Variants in TLE4 observed in about 807,000 individuals in gnomAD.
TLE4 encodes TLE family member 4, transcriptional corepressor.
In TLE4, 8 loss-of-function variants were observed where a neutral mutation model predicts 92.8. The observed-to-expected ratio is 0.09, with a 90% CI of 0.05 to 0.16. The LOEUF (loss-of-function observed/expected upper bound fraction) is 0.16, where lower values mean the gene tolerates loss of function less well. Among genes scored for constraint, TLE4 ranks in the 10% least tolerant of loss-of-function variants. The probability of loss-of-function intolerance (pLI) is 1.00; values close to 1 mark genes in which losing one functional copy is unlikely to be tolerated. For synonymous variants in TLE4, 371 were observed against 374.1 expected, an observed-to-expected ratio of 0.99 and a Z score of 0.10; for missense variants, 675 against 997.6, an observed-to-expected ratio of 0.68 and a Z score of 4.36.
At chr9:79,691,335 A>G (rs1019310083) in intron 8 of TLE4, among the ~76,000 whole-genome samples, 10 of 152,212 alleles carry the variant, frequency 6.6e-5, no homozygotes, top group African/African-American at 2.4e-4. Context: ...TAATGTTAGC[A>G]TACACAGAAG....
intron 8 of TLE4, among the ~76,000 whole-genome samples, chr9:79,694,823 C>T (rs758985222): frequency 2.0e-5 from 3 of 151,062 alleles, no homozygotes; most frequent in Non-Finnish European, 4.4e-5. Context: ...TTTCCTTTTA[C>T]CACATACCTC....
Position 79,612,529 on chromosome 9 carries a change from C to T in TLE4, c.253-127C>T, listed in dbSNP as rs548678122. ...ATGGGCTTACTGATGAGATAGTTTT[C>T]CTCTTCCTTAGGAAATATGCCAGCC... On this transcript the variant is annotated intron_variant, in intron 4 of 19. Transcript: ENST00000376552. The T allele has an allele frequency of 2.8e-5, 23 of 818,958 alleles. 1 individual carries two copies. In the South Asian group the frequency reaches 3.2e-4, roughly 11 times the overall value. 50.7% of individuals were successfully genotyped at this position (818,958 alleles called of 1,614,324 possible). A position where few individuals can be genotyped will look rare whatever the true frequency, so the allele number is the denominator to read the frequency against.
intron 6 of TLE4, among the ~76,000 whole-genome samples, chr9:79,647,039 AT>A (rs1480644174): frequency 2.0e-5 from 3 of 152,180 alleles, no homozygotes; most frequent in Non-Finnish European, 4.4e-5. Flanking sequence ...TTTTGGTATA[AT>A]AACAAATGAA....
chr9:79,604,242 A>C (rs2046326769), intron 4 of TLE4, among the ~76,000 whole-genome samples: 1 of 152,090 alleles, frequency 6.6e-6, no homozygotes, highest in African/African-American at 2.4e-5. Flanking sequence ...AGGTAGAGGG[A>C]ACAGCAAGTG....
Position 79,572,004 on chromosome 9 carries a change from T to C in TLE4, c.-787T>C, listed in dbSNP as rs1360330839. ...GAGCTGTGCTGAGCGGGTGTTTGGG[T>C]TGTTGGCTGCTTTCTTCCCCCTTTC... is the stretch of plus-strand genomic sequence containing the variant. On this transcript the variant is annotated 5_prime_UTR_variant, in exon 1 of 20. Coordinates refer to ENST00000376552, the MANE Select transcript of TLE4 (RefSeq NM_007005.6). 1 of 151,950 alleles carries C rather than the reference T, an allele frequency of 6.6e-6. No individual in the cohort carries two copies. The highest frequency in any genetic ancestry group is 6.6e-5 in the Admixed American group (1 of 15,248). 9.4% of individuals were successfully genotyped at this position (151,950 alleles called of 1,614,324 possible).
chr9:79,648,132 T>G (rs2058383166), intron 6 of TLE4, among the ~76,000 whole-genome samples: 1 of 152,200 alleles, frequency 6.6e-6, no homozygotes, highest in Non-Finnish European at 1.5e-5. Context: ...TCTTGAATGC[T>G]AAGAAATTGG....
At chr9:79,629,447 A>G (rs2053603832) in intron 6 of TLE4, among the ~76,000 whole-genome samples, 2 of 152,160 alleles carry the variant, frequency 1.3e-5, no homozygotes, top group Admixed American at 1.3e-4. Context: ...ATGAGGATTT[A>G]TTAGACTGCA....
chr9:79,701,312 G>A (rs2069802421), intron 8 of TLE4, among the ~76,000 whole-genome samples: 1 of 152,174 alleles, frequency 6.6e-6, no homozygotes, highest in Admixed American at 6.5e-5. Flanking sequence ...CTGTTCTACA[G>A]TCAACTTCAA....
chr9:79,679,389 C>A (rs11138324), intron 8 of TLE4, among the ~76,000 whole-genome samples: 79,979 of 151,900 alleles, frequency 0.53, 23,688 homozygotes, highest in East Asian at 0.71. Context: ...AGCATTTTTT[C>A]ATGTGTTTTT....
intron 11 of TLE4, chr9:79,707,279 T>C (rs1212951851): frequency 7.4e-7 from 1 of 1,345,260 alleles, no homozygotes; most frequent in African/African-American, 1.4e-5. Flanking sequence ...ATTACCAAGC[T>C]ACATATGACG....
chr9:79,617,002 G>T (rs1000134340), intron 5 of TLE4, among the ~76,000 whole-genome samples: 1 of 152,206 alleles, frequency 6.6e-6, no homozygotes, highest in Non-Finnish European at 1.5e-5. Flanking sequence ...TTGGCATAGG[G>T]AGTGCCGTTT....
intron 8 of TLE4, among the ~76,000 whole-genome samples, chr9:79,694,907 A>G (rs961770873): frequency 6.6e-6 from 1 of 152,106 alleles, no homozygotes; most frequent in Non-Finnish European, 1.5e-5. Context: ...AAAACTGCTG[A>G]TGCGTGCATT....
chr9:79,615,764 A>G (rs2049419539), intron 5 of TLE4, among the ~76,000 whole-genome samples: 1 of 152,184 alleles, frequency 6.6e-6, no homozygotes, highest in South Asian at 2.1e-4. Flanking sequence ...CTGTATATGA[A>G]AATCACAGAA....
intron 8 of TLE4, among the ~76,000 whole-genome samples, chr9:79,697,365 T>C (rs1209458729): frequency 6.6e-6 from 1 of 152,200 alleles, no homozygotes; most frequent in Non-Finnish European, 1.5e-5. Context: ...ATTACTTGAT[T>C]AATTCAGCTT....
At chr9:79,594,852 G>A (rs1054492717) in intron 4 of TLE4, among the ~76,000 whole-genome samples, 8 of 152,134 alleles carry the variant, frequency 5.3e-5, no homozygotes, top group Admixed American at 6.5e-5. Context: ...TTTATTAAGC[G>A]TAAGTTTAAG....
At chr9:79,627,345 T>G (rs1186559202) in intron 5 of TLE4, 29 bp from the exon 6 acceptor site, 1 of 1,611,392 alleles carries the variant, frequency 6.2e-7, no homozygotes, top group Non-Finnish European at 8.5e-7. Context: ...AACAAATAAT[T>G]GTATTCTGTT....
intron 5 of TLE4, among the ~76,000 whole-genome samples, chr9:79,615,966 A>G (rs1047374169): frequency 1.3e-5 from 2 of 152,182 alleles, no homozygotes; most frequent in Non-Finnish European, 2.9e-5. Context: ...AGGATTCTCA[A>G]TATCAGAATT....
At chr9:79,573,207 G>C (rs1488509054) in intron 1 of TLE4, 2 of 1,003,510 alleles carry the variant, frequency 2.0e-6, no homozygotes, top group African/African-American at 3.4e-5. Context: ...TGGGCTGGCT[G>C]CGGTTTGGAA....
At chr9:79,696,802 G>A (rs939164497) in intron 8 of TLE4, among the ~76,000 whole-genome samples, 1 of 152,166 alleles carries the variant, frequency 6.6e-6, no homozygotes, top group African/African-American at 2.4e-5. Flanking sequence ...CTTCAGCTTT[G>A]TCAAAGCAGC....
Sources: gnomAD v4.1 joint callset for allele counts (sites outside exome capture counted in the v4.1 genomes callset) on GRCh38, gnomAD v4.1.1 for gene constraint, MANE v1.5 for transcripts, NCBI Gene and HGNC (gene_info 2026-07-23, HGNC 2026-07-21) for gene names.